Variants in EPHA6 observed in about 807,000 individuals in gnomAD.
The protein encoded by EPHA6 is ephrin type-A receptor 6.
In EPHA6, 50 loss-of-function variants were observed where a neutral mutation model predicts 112.0. The observed-to-expected ratio is 0.45, with a 90% CI of 0.36 to 0.56. EPHA6 has a LOEUF of 0.56. EPHA6 is among the 20% of genes least tolerant of loss of function. EPHA6 has a pLI of 0.00. For synonymous variants in EPHA6, 529 were observed against 490.7 expected (o/e 1.08, Z -1.03); for missense variants, 1,280 against 1,417.4 (o/e 0.90, Z 1.56).
At chr3:96,996,437 A>G (rs1032752176) in intron 3 of EPHA6, among the ~76,000 whole-genome samples, 1 of 152,048 alleles carries the variant, frequency 6.6e-6, no homozygotes, top group African/African-American at 2.4e-5. Context: ...CCATTGGAGG[A>G]ATCACTATGG....
intron 11 of EPHA6, among the ~76,000 whole-genome samples, chr3:97,561,533 C>T (rs777598514): frequency 6.6e-6 from 1 of 151,966 alleles, no homozygotes; most frequent in South Asian, 2.1e-4. Flanking sequence ...GTTGAAGAAA[C>T]TGCAGTCAAA....
In EPHA6 at chr3:97,752,318, A is replaced by G; in HGVS notation, c.*3617A>G. On this transcript the variant is annotated 3_prime_UTR_variant, in exon 18 of 18. Coordinates refer to ENST00000389672, the MANE Select transcript of EPHA6 (RefSeq NM_001080448.3). ...AATGAATTCTTTTACTTATCACCCA[A>G]CCACATTTCTTAAAAATGTGTTTTG... 4.5e-6 allele frequency: 1 copy of G among 224,274 alleles called. No individual in the cohort carries two copies. 13.9% of individuals were successfully genotyped at this position (224,274 alleles called of 1,614,324 possible).
At chr3:97,278,954 A>T (rs1448021229) in intron 5 of EPHA6, among the ~76,000 whole-genome samples, 2 of 152,168 alleles carry the variant, frequency 1.3e-5, no homozygotes, top group African/African-American at 2.4e-5. Flanking sequence ...TTCCCACACA[A>T]GGTAATAAGC....
chr3:97,519,788 A>G (rs1038308882), intron 10 of EPHA6, among the ~76,000 whole-genome samples: 1 of 151,580 alleles, frequency 6.6e-6, no homozygotes, highest in Admixed American at 6.6e-5. Context: ...GTAGTTTATT[A>G]TTGGTGTGTA....
intron 3 of EPHA6, among the ~76,000 whole-genome samples, chr3:97,044,319 A>G (rs543770957): frequency 6.6e-6 from 1 of 152,330 alleles, no homozygotes; most frequent in East Asian, 1.9e-4. Flanking sequence ...CAAGAAAATG[A>G]AATTAACTTT....
In EPHA6 at chr3:97,011,580, T is replaced by C. The variant is rs182998943; in HGVS notation, c.1114+23587T>C. Among the ~76,000 whole-genome samples, 6 of 152,364 alleles carry C rather than the reference T, an allele frequency of 3.9e-5. No homozygotes were observed. In the East Asian group the frequency reaches 1.2e-3, roughly 29 times the overall value. On this transcript the variant is annotated intron_variant, in intron 3 of 17. Coordinates refer to ENST00000389672, the MANE Select transcript of EPHA6 (RefSeq NM_001080448.3). ...TTTAATACCAGCTAATTCTCTCATT[T>C]TGCATTTTGACCAATTGCCATGACA... is the stretch of plus-strand genomic sequence containing the variant.
chr3:97,318,848 A>G (rs1236828496), intron 5 of EPHA6, among the ~76,000 whole-genome samples: 1 of 152,010 alleles, frequency 6.6e-6, no homozygotes, highest in Non-Finnish European at 1.5e-5. Context: ...TGATAACTTC[A>G]GTGGTTTCTT....
intron 3 of EPHA6, among the ~76,000 whole-genome samples, chr3:97,219,214 T>C (rs1281237962): frequency 6.6e-6 from 1 of 152,112 alleles, no homozygotes; most frequent in Non-Finnish European, 1.5e-5. Context: ...TTCTGGGGTT[T>C]AGTGGATGGT....
At chr3:97,108,467 A>G (rs2047631117) in intron 3 of EPHA6, among the ~76,000 whole-genome samples, 1 of 152,168 alleles carries the variant, frequency 6.6e-6, no homozygotes, top group South Asian at 2.1e-4. Context: ...CTATATGCCT[A>G]TTTCTTCAAA....
intron 2 of EPHA6, among the ~76,000 whole-genome samples, chr3:96,904,111 A>G (rs2038778898): frequency 6.6e-6 from 1 of 152,114 alleles, no homozygotes. Flanking sequence ...TACTGGGTAT[A>G]TACCCAAAGG....
chr3:97,589,955 T>C (rs905305313), intron 11 of EPHA6, among the ~76,000 whole-genome samples: 1 of 152,134 alleles, frequency 6.6e-6, no homozygotes, highest in African/African-American at 2.4e-5. Flanking sequence ...ACTTAAGCAA[T>C]TGGGAAAGCC....
chr3:96,880,114 T>TA (rs1423336698), intron 2 of EPHA6, among the ~76,000 whole-genome samples: 1 of 151,872 alleles, frequency 6.6e-6, no homozygotes, highest in African/African-American at 2.4e-5. Flanking sequence ...ATAAAAAATT[T>TA]AAAAAAATAA....
At chr3:97,304,914 CT>C (rs1440235536) in intron 5 of EPHA6, among the ~76,000 whole-genome samples, 1 of 152,002 alleles carries the variant, frequency 6.6e-6, no homozygotes. Context: ...TAAAGAGCTT[CT>C]GCACAGAAAA....
chr3:97,497,584 C>G (rs2092012640), intron 10 of EPHA6, among the ~76,000 whole-genome samples: 1 of 152,126 alleles, frequency 6.6e-6, no homozygotes, highest in Non-Finnish European at 1.5e-5. Flanking sequence ...TTCTAATTCA[C>G]TGCTGTACCC....
intron 1 of EPHA6, among the ~76,000 whole-genome samples, chr3:96,863,480 AC>A (rs1366200543): frequency 6.6e-6 from 1 of 152,006 alleles, no homozygotes; most frequent in Non-Finnish European, 1.5e-5. Context: ...AATATAATTC[AC>A]CTGTCTGAAA....
At chr3:97,347,146 A>T (rs2083571741) in intron 5 of EPHA6, among the ~76,000 whole-genome samples, 1 of 152,178 alleles carries the variant, frequency 6.6e-6, no homozygotes, top group Admixed American at 6.5e-5. Flanking sequence ...GATTAAAGGC[A>T]TCATGAAATC....
intron 1 of EPHA6, among the ~76,000 whole-genome samples, chr3:96,848,737 G>A (rs2035222200): frequency 6.6e-6 from 1 of 152,046 alleles, no homozygotes; most frequent in Admixed American, 6.6e-5. Context: ...TTGAGACAGG[G>A]TAAATGTGTC....
intron 14 of EPHA6, among the ~76,000 whole-genome samples, chr3:97,654,546 A>C (rs1240796225): frequency 6.6e-6 from 1 of 151,950 alleles, no homozygotes; most frequent in Non-Finnish European, 1.5e-5. Flanking sequence ...GCTACCTTGA[A>C]AGACATGGCC....
intron 3 of EPHA6, among the ~76,000 whole-genome samples, chr3:97,050,894 A>C (rs2045664416): frequency 6.6e-6 from 1 of 152,170 alleles, no homozygotes; most frequent in Non-Finnish European, 1.5e-5. Flanking sequence ...AGAGATAAAA[A>C]TGTGATTCTC....
Sources: allele counts gnomAD v4.1 joint callset (sites outside exome capture counted in the v4.1 genomes callset), GRCh38; gene constraint gnomAD v4.1.1; transcripts MANE v1.5; gene names NCBI Gene and HGNC (gene_info 2026-07-23, HGNC 2026-07-21).